The following SMCHD1 variants were observed in gnomAD, a reference collection of about 807,000 sequenced individuals.
SMCHD1 encodes structural maintenance of chromosomes flexible hinge domain-containing protein 1.
Under a neutral mutation model 254.7 loss-of-function variants are expected in SMCHD1, and 78 were observed. That is an observed-to-expected ratio of 0.31 (90% CI 0.26 to 0.37). The LOEUF (loss-of-function observed/expected upper bound fraction) is 0.37, where lower values mean the gene tolerates loss of function less well. Ranked by LOEUF, SMCHD1 falls within the 10% of genes least tolerant of loss-of-function variation. SMCHD1 has a pLI of 1.00. For synonymous variants in SMCHD1, 766 were observed against 794.9 expected, an observed-to-expected ratio of 0.96 and a Z score of 0.61; for missense variants, 1,840 against 2,408.1, an observed-to-expected ratio of 0.76 and a Z score of 4.94.
At chr18:2,679,283 C>A (rs1349306544) in intron 5 of SMCHD1, among the ~76,000 whole-genome samples, 2 of 36,340 alleles carry the variant, frequency 5.5e-5, no homozygotes, top group East Asian at 1.9e-3. Context: ...ATCAAGACAT[C>A]CTGGCTAACA....
chr18:2,772,390 C>G lies in SMCHD1; in HGVS notation c.5175+18C>G. On this transcript the variant is annotated intron_variant, in intron 41 of 47. Coordinates refer to ENST00000320876, the MANE Select transcript of SMCHD1 (RefSeq NM_015295.3). The stretch of plus-strand genomic sequence containing the variant: ...TGGGAAAGGTTTGTGTTTATTAAGC[C>G]TTTTGAAAGGCAGTACATTTTATTA... 1.3e-6 allele frequency: 2 copies of G among 1,532,332 alleles called. No individual in the cohort carries two copies. The highest frequency in any genetic ancestry group is 1.7e-6 in the Non-Finnish European group (2 of 1,144,696). The allele number at this position is 1,532,332 out of a possible 1,614,324, so 94.9% of individuals were successfully genotyped here.
Position 2,740,773 on chromosome 18 carries a change from A to T in SMCHD1, c.3585A>T (p.Ser1195=), listed in dbSNP as rs2075335109. The change falls in exon 28 of 48, where the codon TCA becomes TCT. Residue 1195 remains serine, a synonymous_variant. Coordinates refer to ENST00000320876, the MANE Select transcript of SMCHD1 (RefSeq NM_015295.3). ...CACCAAGTTCTTTATCTTCTTTGTC[A>T]ATTGCTGGGGTTGGACTTGATAGCT... ...AFSPSSLSSL[S]IAGVGLDSSN... The T allele has an allele frequency of 1.9e-6, 3 of 1,611,824 alleles. No individual in the cohort carries two copies. The East Asian group carries it at 6.7e-5, about 36-fold the overall frequency.
At chr18:2,738,287 C>A in intron 25 of SMCHD1, 110 bp from the exon 26 acceptor site, 1 of 1,007,082 alleles carries the variant, frequency 9.9e-7, no homozygotes, top group Non-Finnish European at 1.4e-6. Context: ...AGACTTTTTT[C>A]TTGGGGGTGA....
intron 25 of SMCHD1, among the ~76,000 whole-genome samples, chr18:2,733,324 C>G (rs2075179405): frequency 6.6e-6 from 1 of 152,112 alleles, no homozygotes; most frequent in Non-Finnish European, 1.5e-5. Context: ...GTTAAGAGAA[C>G]CTAATAAAAT....
At chr18:2,719,492 T>G (rs1283282756) in intron 19 of SMCHD1, among the ~76,000 whole-genome samples, 1 of 151,954 alleles carries the variant, frequency 6.6e-6, no homozygotes, top group Non-Finnish European at 1.5e-5. Flanking sequence ...AGAGATGGTG[T>G]TTCACTATGT....
At chr18:2,777,678 T>G in intron 42 of SMCHD1, 128 bp from the exon 43 acceptor site, 1 of 541,096 alleles carries the variant, frequency 1.8e-6, no homozygotes, top group Non-Finnish European at 3.3e-6. Context: ...AAGTATCACT[T>G]GTGGTGGATT....
chr18:2,720,799 TACAG>T (rs1304506681), intron 19 of SMCHD1, among the ~76,000 whole-genome samples: 3 of 152,292 alleles, frequency 2.0e-5, no homozygotes, highest in Admixed American at 1.3e-4. Context: ...GATTTTAAAA[TACAG>T]ACAGGGTCTC....
intron 3 of SMCHD1, among the ~76,000 whole-genome samples, chr18:2,670,031 T>C (rs1248344767): frequency 6.6e-6 from 1 of 152,234 alleles, no homozygotes; most frequent in African/African-American, 2.4e-5. Context: ...CAGATTACAC[T>C]AACTAGTAGT....
At position 2,668,981 on chromosome 18, in the gene SMCHD1, C is replaced by T. The variant is rs115465222; in HGVS notation, c.424+1950C>T. Among the ~76,000 whole-genome samples, 605 of 151,902 alleles carry T rather than the reference C, an allele frequency of 4.0e-3. 4 individuals are homozygous for T. Among genetic ancestry groups the T allele is most frequent in the African/African-American group, 0.014 (594 of 41,396 alleles). Reference sequence around the variant, plus strand: ...CCTCGAACTCCTAAGCTTAAACAATCCCCCTGCCTCAGTCTCCTGAATGAC... The same window carrying T: ...CCTCGAACTCCTAAGCTTAAACAATTCCCCTGCCTCAGTCTCCTGAATGAC... On this transcript the variant is annotated intron_variant, in intron 3 of 47. Transcript: ENST00000320876.
intron 42 of SMCHD1, among the ~76,000 whole-genome samples, chr18:2,777,524 CT>C (rs554912609): frequency 9.7e-4 from 132 of 135,524 alleles, no homozygotes; most frequent in African/African-American, 3.5e-3. Context: ...ACAGAGGCTT[CT>C]TTTTTTCTTT....
chr18:2,732,920 A>G (rs1745729640), intron 25 of SMCHD1, among the ~76,000 whole-genome samples: 1 of 152,186 alleles, frequency 6.6e-6, no homozygotes, highest in Non-Finnish European at 1.5e-5. Flanking sequence ...ATTGGAAATT[A>G]TTGAAATTGG....
chr18:2,712,428 A>C lies in SMCHD1; in HGVS notation c.2260+4508A>C, dbSNP rs187515618. On this transcript the variant is annotated intron_variant, in intron 17 of 47. Coordinates refer to ENST00000320876, the MANE Select transcript of SMCHD1 (RefSeq NM_015295.3). ...CACACTAAAGTACAGTTGACCGTTG[A>C]AAAACATGGGTTTGAACTGTGCAGG... 7.9e-4 allele frequency among the ~76,000 whole-genome samples: 121 copies of C among 152,354 alleles called. 1 individual carries two copies. The highest frequency in any genetic ancestry group is 7.2e-4 in the Admixed American group (11 of 15,302).
Position 2,656,016 on chromosome 18 carries a change from G to A in SMCHD1, c.-60G>A. 1 of 1,232,742 alleles carries A rather than the reference G, an allele frequency of 8.1e-7. No individual in the cohort carries two copies. 76.4% of individuals were successfully genotyped at this position (1,232,742 alleles called of 1,614,324 possible). ...GAGCTGAAGGCGCCGCGCGGAGCGC[G>A]CACCTCAGCCCTGAGCCCGGCGGCG... On this transcript the variant is annotated 5_prime_UTR_variant, in exon 1 of 48. Transcript: ENST00000320876.
At chr18:2,664,918 G>C (rs2073393827) in intron 1 of SMCHD1, among the ~76,000 whole-genome samples, 1 of 152,328 alleles carries the variant, frequency 6.6e-6, no homozygotes, top group Middle Eastern at 3.4e-3. Flanking sequence ...ATTTGTCAGT[G>C]TTCAGAGTGA....
chr18:2,671,621 A>T (rs1190271284), intron 3 of SMCHD1, among the ~76,000 whole-genome samples: 2 of 133,188 alleles, frequency 1.5e-5, no homozygotes, highest in Non-Finnish European at 3.1e-5. Flanking sequence ...TTTGAGACAG[A>T]GTCTCGCTCT....
At chr18:2,771,408 T>A (rs2075981982) in intron 39 of SMCHD1, 125 bp from the exon 40 acceptor site, 2 of 651,416 alleles carry the variant, frequency 3.1e-6, no homozygotes, top group Non-Finnish European at 5.1e-6. Flanking sequence ...AATGGTCACC[T>A]ATCAGTTTTC....
chr18:2,682,913 A>C (rs1489516865), intron 5 of SMCHD1, among the ~76,000 whole-genome samples: 1 of 152,230 alleles, frequency 6.6e-6, no homozygotes, highest in Non-Finnish European at 1.5e-5. Flanking sequence ...TAGACTCATT[A>C]ACACAAGTCT....
chr18:2,770,334 G>C (rs546124009), intron 39 of SMCHD1, among the ~76,000 whole-genome samples: 1 of 152,254 alleles, frequency 6.6e-6, no homozygotes, highest in South Asian at 2.1e-4. Context: ...AACACGTTCT[G>C]TTAGGAATCT....
intron 34 of SMCHD1, among the ~76,000 whole-genome samples, chr18:2,759,926 T>C (rs2075757357): frequency 6.6e-6 from 1 of 152,156 alleles, no homozygotes; most frequent in Non-Finnish European, 1.5e-5. Flanking sequence ...GAAAACAATA[T>C]AGAGAAAGGT....
Sources: gnomAD v4.1 joint callset for allele counts (sites outside exome capture counted in the v4.1 genomes callset) on GRCh38, gnomAD v4.1.1 for gene constraint, MANE v1.5 for transcripts, NCBI Gene and HGNC (gene_info 2026-07-23, HGNC 2026-07-21) for gene names.